The following FSIP2 variants were observed in gnomAD, a reference collection of about 807,000 sequenced individuals.
FSIP2 encodes the protein fibrous sheath interacting protein 2.
In FSIP2, 367 loss-of-function variants were observed where a neutral mutation model predicts 510.5. The observed-to-expected ratio is 0.72, with a 90% confidence interval of 0.66 to 0.78. The LOEUF (loss-of-function observed/expected upper bound fraction) is 0.78. FSIP2 is among the 30% of genes least tolerant of loss of function. The probability of loss-of-function intolerance (pLI) is 0.00; values close to 1 mark genes in which losing one functional copy is unlikely to be tolerated. For missense variants in FSIP2, 7,594 were observed against 7,901.7 expected (o/e 0.96, Z 1.48); for synonymous variants, 2,601 against 2,732.2 (o/e 0.95, Z 1.50).
chr2:185,780,139 T>C lies in FSIP2; in HGVS notation c.1412-2566T>C, dbSNP rs189235661. Among the ~76,000 whole-genome samples the C allele has an allele frequency of 2.6e-4, 39 of 152,144 alleles. No individual in the cohort carries two copies. In the East Asian group the frequency reaches 7.3e-3, roughly 29 times the overall value. On this transcript the variant is annotated intron_variant, in intron 13 of 22. Coordinates refer to ENST00000424728, the MANE Select transcript of FSIP2 (RefSeq NM_173651.4). ...ATTCTATGATGTAATTATTCCTGTGTAAGTGATTCTTCCGTCCCCCACCTC... is the reference window on the plus strand; with the variant it reads ...ATTCTATGATGTAATTATTCCTGTGCAAGTGATTCTTCCGTCCCCCACCTC...
chr2:185,795,317 C>T lies in FSIP2; in HGVS notation c.8181C>T (p.Asp2727=). ...CTGGAGATGCCAAAAATTTACTGGA[C>T]ACAAAATTGCCCACTTCAGAACTAA... The part of the protein sequence containing the change: ...MSAGDAKNLL[D]TKLPTSELKI... The change falls in exon 16 of 23, where the codon GAC becomes GAT. Residue 2727 remains aspartate (D), a synonymous_variant. Coordinates refer to ENST00000424728, the MANE Select transcript of FSIP2 (RefSeq NM_173651.4). 6.5e-7 allele frequency: 1 copy of T among 1,534,876 alleles called. No homozygotes were observed.
At chr2:185,766,096 A>G (rs1692471729) in intron 13 of FSIP2, 1 of 152,022 alleles carries the variant, frequency 6.6e-6, no homozygotes, top group Non-Finnish European at 1.5e-5. Flanking sequence ...GCAAACAGGG[A>G]CAATTTGACT....
intron 9 of FSIP2, 61 bp from the exon 10 acceptor site, chr2:185,760,927 A>G (rs1013774353): frequency 1.9e-6 from 1 of 540,184 alleles, no homozygotes; most frequent in African/African-American, 2.2e-5. Context: ...CTTTGATTGT[A>G]CTTTCCTAAA....
rs532008509 is a variant in FSIP2 at position 185,770,387 on chromosome 2, C to T, written c.1411+5822C>T. ...TGGCTCCCAGTAGGCTATACACGCA[C>T]GGCACCAGAATTGCTTCTGCTCAGG... On this transcript the variant is annotated intron_variant, in intron 13 of 22. Coordinates refer to ENST00000424728, the MANE Select transcript of FSIP2 (RefSeq NM_173651.4). 1.6e-4 allele frequency among the ~76,000 whole-genome samples: 25 copies of T among 152,200 alleles called. No individual in the cohort carries two copies. In the South Asian group the frequency reaches 3.7e-3, roughly 23 times the overall value.
chr2:185,781,305 G>A (rs760619509), intron 13 of FSIP2, among the ~76,000 whole-genome samples: 3 of 152,124 alleles, frequency 2.0e-5, no homozygotes, highest in African/African-American at 7.2e-5. Flanking sequence ...TAGGCTTTGT[G>A]TTAGCTGATT....
In FSIP2 at chr2:185,800,822, T is replaced by C. The variant is rs1693415339; in HGVS notation, c.11516T>C (p.Met3839Thr). The change falls in exon 17 of 23, where the codon ATG becomes ACG. Residue 3839 changes from methionine (M) to threonine (T), a missense_variant. Physicochemically the swap from Met to Thr is moderately conservative, Grantham distance 81. Transcript: ENST00000424728. ...CAAGACTTATTGACATCAGACTCTATGCTTACTATTATTTCCCACAGCTTG... is the reference window on the plus strand; with the variant it reads ...CAAGACTTATTGACATCAGACTCTACGCTTACTATTATTTCCCACAGCTTG... ...IDQDLLTSDS[M>T]LTIISHSLVK... 2 of 1,534,512 alleles carry C rather than the reference T, an allele frequency of 1.3e-6. No individual in the cohort carries two copies. The highest frequency in any genetic ancestry group is 4.9e-5 in the East Asian group (2 of 40,826).
chr2:185,742,634 G>A (rs1691946205), intron 2 of FSIP2, among the ~76,000 whole-genome samples: 1 of 152,098 alleles, frequency 6.6e-6, no homozygotes, highest in Non-Finnish European at 1.5e-5. Flanking sequence ...TAACATCTAA[G>A]TTTTACTTCT....
At position 185,794,220 on chromosome 2, in the gene FSIP2, C is replaced by A. The variant is rs1693212592; in HGVS notation, c.7084C>A (p.Leu2362Ile). 6.5e-7 allele frequency: 1 copy of A among 1,534,024 alleles called. No individual in the cohort carries two copies. The highest frequency in any genetic ancestry group is 1.4e-5 in the African/African-American group (1 of 72,822). The change falls in exon 16 of 23, where the codon CTT becomes ATT. Residue 2362 changes from leucine (L) to isoleucine (I), a missense_variant. Leu to Ile is a conservative substitution (Grantham distance 5). Coordinates refer to ENST00000424728, the MANE Select transcript of FSIP2 (RefSeq NM_173651.4). ...CGTCATTGCCAGTGCCATTTTGAAG[C>A]TTATTAAAAATGACTTAGACTTAGA... is the stretch of plus-strand genomic sequence containing the variant. ...ADVIASAILK[L>I]IKNDLDLEIQ...
At position 185,803,356 on chromosome 2, in the gene FSIP2, CTG is replaced by C. The variant is rs1322169785; in HGVS notation, c.14054_14055del (p.Cys4685PhefsTer14). ...VSIIDNTEER[L>X]CLPPVERDVV... is the part of the protein sequence containing the mutation. The stretch of plus-strand genomic sequence containing the variant: ...CATTATAGATAATACTGAGGAAAGA[CTG>C]TGTTTACCTCCAGTGGAGAGGGATG... On this transcript the variant is annotated frameshift_variant, in exon 17 of 23. Coordinates refer to ENST00000424728, the MANE Select transcript of FSIP2 (RefSeq NM_173651.4). LOFTEE classifies it high-confidence loss of function. 2 of 1,532,948 alleles carry C rather than the reference CTG, an allele frequency of 1.3e-6. No homozygotes were observed. The highest frequency in any genetic ancestry group is 1.7e-6 in the Non-Finnish European group (2 of 1,144,812). The allele number at this position is 1,532,948 out of a possible 1,614,324, so 95.0% of individuals were successfully genotyped here. A position where few individuals can be genotyped will look rare whatever the true frequency, so the allele number is the denominator to read the frequency against.
rs1477071728 is a variant in FSIP2 at position 185,800,929 on chromosome 2, T to C, written c.11623T>C (p.Tyr3875His). 2.6e-6 allele frequency: 4 copies of C among 1,531,774 alleles called. No individual in the cohort carries two copies. Among genetic ancestry groups the C allele is most frequent in the Non-Finnish European group, 3.5e-6 (4 of 1,144,320 alleles). 94.9% of individuals were successfully genotyped at this position (1,531,774 alleles called of 1,614,324 possible). ...SLPFANKHLN[Y>H]RTREIQSSFI... is the part of the protein sequence containing the mutation. ...ACCTTTTGCAAATAAGCATTTGAACTACAGAACAAGAGAAATACAGTCTAG... is the reference window on the plus strand; with the variant it reads ...ACCTTTTGCAAATAAGCATTTGAACCACAGAACAAGAGAAATACAGTCTAG... The change falls in exon 17 of 23, where the codon TAC (tyrosine) becomes CAC (histidine). Residue 3875 changes from tyrosine (Y) to histidine (H), a missense_variant. Tyr to His is a moderately conservative substitution (Grantham distance 83). Coordinates refer to ENST00000424728, the MANE Select transcript of FSIP2 (RefSeq NM_173651.4).
At chr2:185,745,686 G>A in intron 5 of FSIP2, 118 bp downstream of exon 5, 1 of 867,526 alleles carries the variant, frequency 1.2e-6, no homozygotes, top group Non-Finnish European at 1.6e-6. Context: ...GGATCCCTCA[G>A]AGTGTAGAGG....
chr2:185,742,643 C>A (rs985858444), intron 2 of FSIP2, among the ~76,000 whole-genome samples: 1 of 152,106 alleles, frequency 6.6e-6, no homozygotes, highest in African/African-American at 2.4e-5. Context: ...AGTTTTACTT[C>A]TACTATTTGT....
In FSIP2 at chr2:185,808,992, T is replaced by C; in HGVS notation, c.19686T>C (p.Thr6562=). The change falls in exon 17 of 23, where the codon ACT becomes ACC. Residue 6562 remains threonine, a synonymous_variant. Coordinates refer to ENST00000424728, the MANE Select transcript of FSIP2 (RefSeq NM_173651.4). Reference sequence around the variant, plus strand: ...TTAAGCAGGAGTGTTTGAAAAGAACTGGACATAGCATAGCAGAACTGAGAA... The same window carrying C: ...TTAAGCAGGAGTGTTTGAAAAGAACCGGACATAGCATAGCAGAACTGAGAA... ...EKLKQECLKR[T]GHSIAELRRA... 6.2e-7 allele frequency: 1 copy of C among 1,612,776 alleles called. No individual in the cohort carries two copies. The highest frequency in any genetic ancestry group is 1.1e-5 in the South Asian group (1 of 90,916).
intron 2 of FSIP2, among the ~76,000 whole-genome samples, chr2:185,742,872 T>G (rs1347054093): frequency 5.9e-5 from 9 of 152,148 alleles, no homozygotes; most frequent in Non-Finnish European, 1.0e-4. Flanking sequence ...CTTTTCTTAT[T>G]TGGCTGAGAG....
rs934146728 is a variant in FSIP2 at position 185,806,894 on chromosome 2, T to A, written c.17588T>A (p.Val5863Asp). The A allele has an allele frequency of 6.2e-7, 1 of 1,609,188 alleles. No individual in the cohort carries two copies. Among genetic ancestry groups the A allele is most frequent in the Non-Finnish European group, 8.5e-7 (1 of 1,178,080 alleles). The change falls in exon 17 of 23, where the codon GTT (valine) becomes GAT (aspartate). Residue 5863 changes from valine to aspartate, a missense_variant. Transcript: ENST00000424728. ...TTCCCTGGGGGTAAAGTGTCTTCAG[T>A]TCCTAAAGTACCTCCAAGGTATAAA... Reference protein sequence around the residue: ...NQFPGGKVSSVPKVPPRYKEP... With the variant: ...NQFPGGKVSSDPKVPPRYKEP...
At chr2:185,777,836 C>T (rs972420571) in intron 13 of FSIP2, among the ~76,000 whole-genome samples, 10 of 151,982 alleles carry the variant, frequency 6.6e-5, no homozygotes, top group African/African-American at 2.2e-4. Context: ...TATCCTGATA[C>T]AGTTTTCGTG....
intron 16 of FSIP2, among the ~76,000 whole-genome samples, chr2:185,797,906 G>A (rs1198166421): frequency 6.6e-6 from 1 of 151,790 alleles, no homozygotes; most frequent in Non-Finnish European, 1.5e-5. Flanking sequence ...GCGCAGGCTG[G>A]TCTCAAACTC....
chr2:185,793,162 G>A lies in FSIP2; in HGVS notation c.6026G>A (p.Arg2009Lys), dbSNP rs1401234921. Residue 2009 changes from arginine to lysine, a missense_variant, in exon 16 of 23, where the codon AGA becomes AAA. By Grantham distance (26) the Arg-to-Lys change is conservative. Coordinates refer to ENST00000424728, the MANE Select transcript of FSIP2 (RefSeq NM_173651.4). Reference sequence around the variant, plus strand: ...ACTTATGCACTACAAGTGGCTAGAAGAAATTTACAAGGAATCAAACAGGAA... The same window carrying A: ...ACTTATGCACTACAAGTGGCTAGAAAAAATTTACAAGGAATCAAACAGGAA... ...LNTYALQVAR[R>K]NLQGIKQELD... The A allele has an allele frequency of 6.5e-7, 1 of 1,534,158 alleles. No individual in the cohort carries two copies. Among genetic ancestry groups the A allele is most frequent in the Non-Finnish European group, 8.7e-7 (1 of 1,145,546 alleles).
Position 185,795,841 on chromosome 2 carries a change from C to CA in FSIP2, c.8705_8706insA (p.Ser2903PhefsTer3). 6.5e-7 allele frequency: 1 copy of CA among 1,532,508 alleles called. No homozygotes were observed. The highest frequency in any genetic ancestry group is 1.2e-5 in the South Asian group (1 of 83,308). 94.9% of individuals were successfully genotyped at this position (1,532,508 alleles called of 1,614,324 possible). On this transcript the variant is annotated frameshift_variant, in exon 16 of 23. Coordinates refer to ENST00000424728, the MANE Select transcript of FSIP2 (RefSeq NM_173651.4). LOFTEE classifies it high-confidence loss of function. ...AGGTTTTATAATCATTTTAAAGGAG[C>CA]TTCTACTAGAGCCGAGGATACTAAA...
Sources: gnomAD v4.1 joint callset for allele counts (sites outside exome capture counted in the v4.1 genomes callset) on GRCh38, gnomAD v4.1.1 for gene constraint, MANE v1.5 for transcripts, NCBI Gene and HGNC (gene_info 2026-07-23, HGNC 2026-07-21) for gene names.